Variants in TMPRSS15 observed in about 807,000 individuals in gnomAD.
TMPRSS15 encodes the protein transmembrane serine protease 15.
In TMPRSS15, 128 loss-of-function variants were observed where a neutral mutation model predicts 125.3. The observed-to-expected ratio is 1.02, with a 90% CI of 0.89 to 1.18. The LOEUF is 1.18. TMPRSS15 is among the 50% of genes most tolerant of loss of function. TMPRSS15 has a pLI of 0.00. For missense variants in TMPRSS15, 1,283 were observed against 1,212.7 expected (o/e 1.06, Z -0.86); for synonymous variants, 446 against 423.2 (o/e 1.05, Z -0.66).
chr21:18,413,726 A>G (rs763466838), intron 1 of TMPRSS15, among the ~76,000 whole-genome samples: 1 of 150,650 alleles, frequency 6.6e-6, no homozygotes, highest in Non-Finnish European at 1.5e-5. Flanking sequence ...CCGCGTCCTG[A>G]ACTCTTTATT....
intron 1 of TMPRSS15, among the ~76,000 whole-genome samples, chr21:18,481,495 T>A (rs1978980307): frequency 1.3e-5 from 2 of 151,852 alleles, no homozygotes; most frequent in South Asian, 2.1e-4. Flanking sequence ...TGTATCTTTT[T>A]GCTGATGCAT....
intron 3 of TMPRSS15, among the ~76,000 whole-genome samples, chr21:18,394,858 C>T (rs556204296): frequency 2.0e-5 from 3 of 152,288 alleles, no homozygotes; most frequent in African/African-American, 7.2e-5. Context: ...TTAACTCATT[C>T]CACTCTGACT....
chr21:18,416,705 T>A (rs553839317), intron 1 of TMPRSS15, among the ~76,000 whole-genome samples: 1 of 152,098 alleles, frequency 6.6e-6, no homozygotes, highest in African/African-American at 2.4e-5. Context: ...AATTTAGTTA[T>A]CTTGTTTATG....
rs572389166 is a variant in TMPRSS15, at chr21:18,437,901, T to C, written c.11-39572A>G. Among the ~76,000 whole-genome samples, 506 of 151,974 alleles carry C rather than the reference T, an allele frequency of 3.3e-3. 2 individuals carry two copies. Among genetic ancestry groups the C allele is most frequent in the Non-Finnish European group, 5.0e-3 (342 of 67,972 alleles). On this transcript the variant is annotated intron_variant, in intron 1 of 7. Coordinates refer to the TMPRSS15 transcript ENST00000422787. ...TGGGACTGTAAACTAGTTCAACCAT[T>C]ATGGAAGTCAGTGTGGCGATTCCTC...
At chr21:18,338,425 C>T (rs1441415362) in intron 13 of TMPRSS15, among the ~76,000 whole-genome samples, 2 of 152,022 alleles carry the variant, frequency 1.3e-5, no homozygotes, top group Non-Finnish European at 2.9e-5. Context: ...GGAATAATTA[C>T]TATTTATCAA....
rs1401640018 is a variant in TMPRSS15 at position 18,294,587 on chromosome 21, C to T, written c.2311+16G>A. 11 of 1,609,608 alleles carry T rather than the reference C, an allele frequency of 6.8e-6. No homozygotes were observed. Among genetic ancestry groups the T allele is most frequent in the Non-Finnish European group, 9.4e-6 (11 of 1,175,998 alleles). ...ACAGAATGCTTGAAGTGGGATATGA[C>T]AACATATTTACTTACATTTATGGTT... On this transcript the variant is annotated intron_variant, in intron 20 of 24. Transcript: ENST00000284885.
intron 16 of TMPRSS15, among the ~76,000 whole-genome samples, chr21:18,319,051 G>T (rs1197206745): frequency 6.6e-6 from 1 of 151,996 alleles, no homozygotes. Flanking sequence ...TAAAATTTAA[G>T]ATAATTGGCT....
At chr21:18,466,445 CA>C (rs544229683) in intron 1 of TMPRSS15, among the ~76,000 whole-genome samples, 32 of 145,258 alleles carry the variant, frequency 2.2e-4, no homozygotes, top group Admixed American at 7.6e-4. Flanking sequence ...TTCTGCACAG[CA>C]AAAAAAAAAC....
chr21:18,401,056 T>TATTA (rs1367736205), intron 1 of TMPRSS15, among the ~76,000 whole-genome samples: 4 of 152,064 alleles, frequency 2.6e-5, no homozygotes, highest in Non-Finnish European at 5.9e-5. Flanking sequence ...TCGGAATGGC[T>TATTA]ATTACCAAAG....
intron 6 of TMPRSS15, among the ~76,000 whole-genome samples, chr21:18,369,923 C>T (rs1601402664): frequency 7.2e-6 from 1 of 139,570 alleles, no homozygotes; most frequent in African/African-American, 2.7e-5. Context: ...AATATTATCC[C>T]ACAAATAATT....
At chr21:18,270,496 T>C (rs1233060626) in intron 24 of TMPRSS15, among the ~76,000 whole-genome samples, 1 of 152,186 alleles carries the variant, frequency 6.6e-6, no homozygotes, top group Non-Finnish European at 1.5e-5. Context: ...CTGCTGTAAG[T>C]GCCACAAAGG....
chr21:18,402,708 T>C (rs1408739390), intron 1 of TMPRSS15, among the ~76,000 whole-genome samples: 1 of 152,162 alleles, frequency 6.6e-6, no homozygotes, highest in African/African-American at 2.4e-5. Flanking sequence ...GGACTATAAG[T>C]TCCAGAGCGG....
chr21:18,458,947 TTTA>T (rs1978495161), intron 1 of TMPRSS15, among the ~76,000 whole-genome samples: 1 of 152,192 alleles, frequency 6.6e-6, no homozygotes, highest in Admixed American at 6.5e-5. Flanking sequence ...TTTGTTGTTA[TTTA>T]TTATTTGTCT....
chr21:18,364,895 T>A lies in TMPRSS15; in HGVS notation c.773+245A>T, dbSNP rs531077146. ...ATGAATAATGTCCACCACAGAAAAA[T>A]AAACTTGCTTCAGAACCCAATGAGA... On this transcript the variant is annotated intron_variant, in intron 7 of 24. Coordinates refer to ENST00000284885, the MANE Select transcript of TMPRSS15 (RefSeq NM_002772.3). Among the ~76,000 whole-genome samples, 3 of 152,246 alleles carry A rather than the reference T, an allele frequency of 2.0e-5. No individual in the cohort carries two copies. In the South Asian group the frequency reaches 6.2e-4, roughly 32 times the overall value.
chr21:18,450,803 C>T (rs897037812), intron 1 of TMPRSS15, among the ~76,000 whole-genome samples: 1 of 152,138 alleles, frequency 6.6e-6, no homozygotes, highest in African/African-American at 2.4e-5. Context: ...AAATAAAATA[C>T]TGGAAGTTAT....
At position 18,398,339 on chromosome 21, in the gene TMPRSS15, T is replaced by C. The variant is rs370254396; in HGVS notation, c.146-10A>G. On this transcript the variant is annotated splice_polypyrimidine_tract_variant and intron_variant, in intron 1 of 24. Transcript: ENST00000284885. Reference sequence around the variant, plus strand: ...TGTCCAAGTGCTGCACCTAGATAAATTAATAAGGAAAAAACACTAAGATTT... The same window carrying C: ...TGTCCAAGTGCTGCACCTAGATAAACTAATAAGGAAAAAACACTAAGATTT... The C allele has an allele frequency of 3.1e-6, 5 of 1,613,016 alleles. No homozygotes were observed. The African/African-American group carries it at 6.7e-5, about 22-fold the overall frequency.
At chr21:18,314,517 A>G (rs1359607809) in intron 17 of TMPRSS15, among the ~76,000 whole-genome samples, 3 of 152,060 alleles carry the variant, frequency 2.0e-5, no homozygotes, top group Non-Finnish European at 4.4e-5. Context: ...ACCTCAGATG[A>G]TCTGCCCACC....
chr21:18,288,922 A>G lies in TMPRSS15; in HGVS notation c.2486+5348T>C, dbSNP rs189345595. 4.3e-3 allele frequency among the ~76,000 whole-genome samples: 653 copies of G among 152,280 alleles called. 1 individual carries two copies. The highest frequency in any genetic ancestry group is 6.3e-3 in the Non-Finnish European group (427 of 68,026). On this transcript the variant is annotated intron_variant, in intron 21 of 24. Coordinates refer to ENST00000284885, the MANE Select transcript of TMPRSS15 (RefSeq NM_002772.3). ...TTCAATCTGAAGAACATTATATATT[A>G]CAAGCCTAACTCCCTAGAACAATAA...
intron 21 of TMPRSS15, among the ~76,000 whole-genome samples, chr21:18,289,608 A>T (rs865857144): frequency 6.6e-6 from 1 of 152,214 alleles, no homozygotes; most frequent in Admixed American, 6.5e-5. Flanking sequence ...GAGTGTTAAC[A>T]CATATTTTAA....
Sources: allele counts gnomAD v4.1 joint callset (sites outside exome capture counted in the v4.1 genomes callset), GRCh38; gene constraint gnomAD v4.1.1; transcripts MANE v1.5; gene names NCBI Gene and HGNC (gene_info 2026-07-23, HGNC 2026-07-21).